LIG3: variants seen among roughly 807,000 people sequenced by gnomAD.
LIG3 encodes the protein ligase II, DNA, ATP-dependent.
LIG3 carries 58 observed loss-of-function variants against 110.9 expected under a neutral mutation model. The observed-to-expected ratio is 0.52, with a 90% CI of 0.42 to 0.65. LIG3 has a LOEUF of 0.65. Ranked by LOEUF, LIG3 falls within the 30% of genes least tolerant of loss-of-function variation. The pLI is 0.00. For missense variants in LIG3, 1,094 were observed against 1,273.8 expected, an observed-to-expected ratio of 0.86 and a Z score of 2.15; for synonymous variants, 422 against 472.8, an observed-to-expected ratio of 0.89 and a Z score of 1.39.
intron 15 of LIG3, 50 bp downstream of exon 15, chr17:34,999,499 TG>T: frequency 6.3e-7 from 1 of 1,591,876 alleles, no homozygotes; most frequent in Non-Finnish European, 8.6e-7. Context: ...CCGCCATCAC[TG>T]AGACAGAGGC....
At chr17:34,988,184 C>CT (rs939495242) in intron 3 of LIG3, among the ~76,000 whole-genome samples, 1 of 103,446 alleles carries the variant, frequency 9.7e-6, no homozygotes, top group African/African-American at 3.8e-5. Context: ...CAGCGAGACT[C>CT]TGTCTCAAAA....
Position 34,996,192 on chromosome 17 carries a change from C to T in LIG3, c.1740C>T (p.His580=). 1 of 1,614,008 alleles carries T rather than the reference C, an allele frequency of 6.2e-7. No individual in the cohort carries two copies. Among genetic ancestry groups the T allele is most frequent in the Non-Finnish European group, 8.5e-7 (1 of 1,179,958 alleles). Residue 580 remains histidine (H), a synonymous_variant, in exon 10 of 20, where the codon CAC becomes CAT. Transcript: ENST00000378526. ...TGCCCTTTGGGACTCTGGGAGTACACAAGGTACTAGCTCAGGGCCATATGT... is the reference window on the plus strand; with the variant it reads ...TGCCCTTTGGGACTCTGGGAGTACATAAGGTACTAGCTCAGGGCCATATGT... ...KPLPFGTLGV[H]KKAAFQDANV...
intron 3 of LIG3, among the ~76,000 whole-genome samples, chr17:34,988,276 G>A (rs940423423): frequency 3.9e-5 from 6 of 152,016 alleles, no homozygotes; most frequent in African/African-American, 1.4e-4. Context: ...GAGTCCAGGT[G>A]ATGATAAGGA....
chr17:34,984,953 T>G (rs1258284747), intron 2 of LIG3, among the ~76,000 whole-genome samples: 2 of 152,152 alleles, frequency 1.3e-5, no homozygotes, highest in Middle Eastern at 3.4e-3. Context: ...AATTTTTGTG[T>G]TTTTAGTAGA....
rs762639652 is a variant in LIG3 at position 35,004,324 on chromosome 17, C to T, written c.2848C>T (p.Pro950Ser). 1.2e-6 allele frequency: 2 copies of T among 1,614,168 alleles called. No individual in the cohort carries two copies. Among genetic ancestry groups the T allele is most frequent in the Admixed American group, 1.7e-5 (1 of 60,024 alleles). Residue 950 changes from proline (P) to serine (S), a missense_variant, in exon 20 of 20, where the codon CCA (proline) becomes TCA (serine). Coordinates refer to ENST00000378526, the MANE Select transcript of LIG3 (RefSeq NM_013975.4). ...GCGGCTTTACTTGCCACCCTCCACA[C>T]CAGACTTCAGCCGTCTCAGACGCTA... ...GVRLYLPPST[P>S]DFSRLRRYFV...
chr17:34,996,930 C>G lies in LIG3; in HGVS notation c.1823+277C>G. ...AAGTCACAGAAGAAACCCAAACCCCCAAAGAAGTTTCTCTACTAAAGCAAA... is the reference window on the plus strand; with the variant it reads ...AAGTCACAGAAGAAACCCAAACCCCGAAAGAAGTTTCTCTACTAAAGCAAA... On this transcript the variant is annotated intron_variant, in intron 11 of 19. Coordinates refer to ENST00000378526, the MANE Select transcript of LIG3 (RefSeq NM_013975.4). The G allele has an allele frequency of 9.7e-6, 4 of 412,846 alleles. No individual in the cohort carries two copies. The South Asian group carries it at 1.6e-4, about 17-fold the overall frequency. The allele number at this position is 412,846 out of a possible 1,614,324, so 25.6% of individuals were successfully genotyped here.
chr17:35,001,499 CT>C, intron 17 of LIG3, 96 bp downstream of exon 17: 1 of 1,292,560 alleles, frequency 7.7e-7, no homozygotes. Flanking sequence ...CTGTCTTCTC[CT>C]TTCCCCCATT....
intron 1 of LIG3, among the ~76,000 whole-genome samples, chr17:34,981,807 G>A (rs1213711318): frequency 6.6e-6 from 1 of 152,178 alleles, no homozygotes; most frequent in Non-Finnish European, 1.5e-5. Flanking sequence ...TTAAAACTAG[G>A]ACTATAAAAT....
At chr17:34,994,131 C>A (rs2142262642) in intron 8 of LIG3, 145 bp from the exon 9 acceptor site, 1 of 658,998 alleles carries the variant, frequency 1.5e-6, no homozygotes, top group Non-Finnish European at 2.5e-6. Flanking sequence ...CACCTCTTCA[C>A]CAGCCTTCCC....
At position 35,004,588 on chromosome 17, in the gene LIG3, A is replaced by G; in HGVS notation, c.*82A>G. On this transcript the variant is annotated 3_prime_UTR_variant, in exon 20 of 20. Transcript: ENST00000378526. ...GGACTCAGGCTGGAGGCAGATAGAC[A>G]CAGTATAGGGGGAATGGGCTTGCTT... 1.7e-6 allele frequency: 2 copies of G among 1,178,024 alleles called. No individual in the cohort carries two copies. The allele number at this position is 1,178,024 out of a possible 1,614,324, so 73.0% of individuals were successfully genotyped here. A position where few individuals can be genotyped will look rare whatever the true frequency, so the allele number is the denominator to read the frequency against.
Position 35,004,711 on chromosome 17 carries a change from G to A in LIG3, c.*205G>A. ...TCAGTTTGTCTTGCTGGTTTAAATA[G>A]ATCTTTCAGAGCTGGGTGCTGGGTT... On this transcript the variant is annotated 3_prime_UTR_variant, in exon 20 of 20. Coordinates refer to ENST00000378526, the MANE Select transcript of LIG3 (RefSeq NM_013975.4). The A allele has an allele frequency of 1.8e-6, 1 of 553,602 alleles. No individual in the cohort carries two copies. Among genetic ancestry groups the A allele is most frequent in the Non-Finnish European group, 3.2e-6 (1 of 312,438 alleles). 34.3% of individuals were successfully genotyped at this position (553,602 alleles called of 1,614,324 possible).
intron 3 of LIG3, 53 bp from the exon 4 acceptor site, chr17:34,989,413 T>G: frequency 1.3e-6 from 2 of 1,509,216 alleles, no homozygotes; most frequent in South Asian, 2.3e-5. Flanking sequence ...TTCCTTCCCT[T>G]TCTTTCTTCT....
chr17:34,989,475 A>G lies in LIG3; in HGVS notation c.701A>G (p.Asn234Ser), dbSNP rs200830183. The change falls in exon 4 of 20, where the codon AAC becomes AGC. Residue 234 changes from asparagine to serine, a missense_variant. By Grantham distance (46) the Asn-to-Ser change is conservative. Coordinates refer to ENST00000378526, the MANE Select transcript of LIG3 (RefSeq NM_013975.4). ...RKFSGFSAKP[N>S]NSGEAPSSPT... ...GTTGTTTCTCCAACAGCCAAGCCCA[A>G]CAACTCTGGGGAAGCCCCCTCGAGC... 129 of 1,613,806 alleles carry G rather than the reference A, an allele frequency of 8.0e-5. No homozygotes were observed. The highest frequency in any genetic ancestry group is 1.0e-4 in the Non-Finnish European group (122 of 1,179,938).
intron 19 of LIG3, 197 bp from the exon 20 acceptor site, chr17:35,004,076 G>A: frequency 1.7e-6 from 1 of 579,792 alleles, no homozygotes; most frequent in East Asian, 2.9e-5. Flanking sequence ...CCCCTAGGCA[G>A]GGATGGAGGG....
At chr17:34,992,749 G>A (rs2090738995) in intron 8 of LIG3, 57 bp downstream of exon 8, 2 of 1,485,442 alleles carry the variant, frequency 1.3e-6, no homozygotes, top group African/African-American at 1.4e-5. Context: ...ACATCCTTTG[G>A]GCTGAGATCA....
intron 18 of LIG3, among the ~76,000 whole-genome samples, chr17:35,002,389 C>T (rs1323158509): frequency 6.6e-6 from 1 of 152,204 alleles, no homozygotes; most frequent in Non-Finnish European, 1.5e-5. Context: ...GCTGATAACT[C>T]TTCACTCCCC....
chr17:34,997,871 C>A, intron 12 of LIG3, 46 bp downstream of exon 12: 1 of 1,449,238 alleles, frequency 6.9e-7, no homozygotes, highest in Non-Finnish European at 9.7e-7. Context: ...AGTTTGAAAG[C>A]AGGGCAGAGA....
rs756649783 is a variant in LIG3 at position 35,004,345 on chromosome 17, C to A, written c.2869C>A (p.Arg957Ser). ...CACACCAGACTTCAGCCGTCTCAGA[C>A]GCTACTTTGTGGCATTCGACGGGGA... ...PSTPDFSRLRRYFVAFDGDLV... is the reference protein window; with the variant it reads ...PSTPDFSRLRSYFVAFDGDLV... The change falls in exon 20 of 20, where the codon CGC (arginine) becomes AGC (serine). Residue 957 changes from arginine (R) to serine (S), a missense_variant. Coordinates refer to ENST00000378526, the MANE Select transcript of LIG3 (RefSeq NM_013975.4). 2.0e-5 allele frequency: 33 copies of A among 1,614,168 alleles called. No individual in the cohort carries two copies. The highest frequency in any genetic ancestry group is 2.8e-5 in the Non-Finnish European group (33 of 1,180,042).
At chr17:34,986,202 C>A in intron 3 of LIG3, 71 bp downstream of exon 3, 1 of 1,483,704 alleles carries the variant, frequency 6.7e-7, no homozygotes, top group Non-Finnish European at 9.3e-7. Context: ...AGGATTCTGG[C>A]TAAAGAGTGA....
Sources: allele counts gnomAD v4.1 joint callset (sites outside exome capture counted in the v4.1 genomes callset), GRCh38; gene constraint gnomAD v4.1.1; transcripts MANE v1.5; gene names NCBI Gene and HGNC (gene_info 2026-07-23, HGNC 2026-07-21).